SLC2A13: variants seen among roughly 807,000 people sequenced by gnomAD.
The protein encoded by SLC2A13 is proton myo-inositol cotransporter.
A neutral mutation model predicts 64.4 loss-of-function variants in SLC2A13; 32 were observed. The ratio of observed to expected loss-of-function variants is 0.50; its 90% CI spans 0.37 to 0.67. The LOEUF is 0.67. Ranked by LOEUF, SLC2A13 falls within the 30% of genes least tolerant of loss-of-function variation. The pLI is 0.00. For missense variants in SLC2A13, 743 were observed against 829.2 expected, an observed-to-expected ratio of 0.90 and a Z score of 1.28; for synonymous variants, 338 against 327.1, an observed-to-expected ratio of 1.03 and a Z score of -0.36.
At chr12:39,774,146 A>G (rs1940686819) in intron 7 of SLC2A13, among the ~76,000 whole-genome samples, 1 of 152,208 alleles carries the variant, frequency 6.6e-6, no homozygotes, top group African/African-American at 2.4e-5. Flanking sequence ...TTACAATTTG[A>G]GGGTAGTGGT....
chr12:40,086,429 A>T (rs1938589803), intron 1 of SLC2A13, among the ~76,000 whole-genome samples: 1 of 152,216 alleles, frequency 6.6e-6, no homozygotes, highest in Non-Finnish European at 1.5e-5. Context: ...TTGTTTTTGT[A>T]ACCAGCTGTT....
chr12:39,895,157 C>T lies in SLC2A13; in HGVS notation c.1035-23196G>A, dbSNP rs143623057. Among the ~76,000 whole-genome samples the T allele has an allele frequency of 7.2e-5, 11 of 152,172 alleles. No homozygotes were observed. In the East Asian group the frequency reaches 2.1e-3, roughly 29 times the overall value. ...TACCTGGGACTACAGGTGCATATCA[C>T]TGTGCCCAGCCAGAACCCTGAGTAA... On this transcript the variant is annotated intron_variant, in intron 4 of 9. Transcript: ENST00000280871.
Position 40,034,909 on chromosome 12 carries a change from T to C in SLC2A13, c.717-6400A>G, listed in dbSNP as rs964541272. ...ACCCAGCAAATATCTCCTGAATGTA[T>C]GTTAAATGCCAAGCACTACAGCTAA... On this transcript the variant is annotated intron_variant, in intron 2 of 9. Transcript: ENST00000280871. Among the ~76,000 whole-genome samples the C allele has an allele frequency of 3.3e-4, 50 of 152,202 alleles. 1 individual carries two copies. Among genetic ancestry groups the C allele is most frequent in the South Asian group, 2.1e-4 (1 of 4,836 alleles).
Position 39,863,336 on chromosome 12 carries a change from T to C in SLC2A13, c.1319+1426A>G, listed in dbSNP as rs1943812912. On this transcript the variant is annotated intron_variant, in intron 6 of 9. Transcript: ENST00000280871. ...CAATGTCAGGAAAACTATTTCATTA[T>C]GTAAATCACTAAAAACTTACAGTCA... Among the ~76,000 whole-genome samples the C allele has an allele frequency of 1.3e-5, 2 of 152,174 alleles. 1 individual carries two copies. Among genetic ancestry groups the C allele is most frequent in the Admixed American group, 1.3e-4 (2 of 15,276 alleles).
chr12:40,078,647 A>C (rs1322363493), intron 1 of SLC2A13, among the ~76,000 whole-genome samples: 5 of 152,216 alleles, frequency 3.3e-5, no homozygotes, highest in Admixed American at 6.5e-5. Context: ...ATCTGGCCTC[A>C]TAATGAGTCA....
At chr12:39,798,203 A>T (rs1272971067) in intron 7 of SLC2A13, among the ~76,000 whole-genome samples, 1 of 152,148 alleles carries the variant, frequency 6.6e-6, no homozygotes, top group Non-Finnish European at 1.5e-5. Context: ...GCACACGAGG[A>T]AGCCACCTTG....
intron 6 of SLC2A13, among the ~76,000 whole-genome samples, chr12:39,860,979 T>G (rs1943743905): frequency 6.6e-6 from 1 of 152,226 alleles, no homozygotes; most frequent in African/African-American, 2.4e-5. Flanking sequence ...ATCAAAAACC[T>G]CTGAGGCTCT....
At chr12:40,055,095 C>T (rs1311569234) in intron 1 of SLC2A13, among the ~76,000 whole-genome samples, 1 of 152,074 alleles carries the variant, frequency 6.6e-6, no homozygotes, top group Non-Finnish European at 1.5e-5. Flanking sequence ...ACATTTTTTC[C>T]AAACAGTCAA....
intron 4 of SLC2A13, among the ~76,000 whole-genome samples, chr12:39,895,623 TACACAC>T (rs1944753703): frequency 1.4e-5 from 2 of 146,090 alleles, no homozygotes; most frequent in Non-Finnish European, 3.0e-5. Flanking sequence ...CATATATACG[TACACAC>T]ATATGTATAT....
chr12:39,785,235 T>TC (rs1941143083), intron 7 of SLC2A13, among the ~76,000 whole-genome samples: 1 of 151,738 alleles, frequency 6.6e-6, no homozygotes, highest in Non-Finnish European at 1.5e-5. Context: ...AGGCCTGGGG[T>TC]CCCCATGCTG....
rs749720081 is a variant in SLC2A13 at position 40,028,513 on chromosome 12, C to A, written c.717-4G>T. ...TGCTGCAAGTCCCAACATGTACCTG[C>A]AAAGAAAAAAAATCCACATTTACTG... On this transcript the variant is annotated splice_region_variant and splice_polypyrimidine_tract_variant and intron_variant, in intron 2 of 9. Transcript: ENST00000280871. The A allele has an allele frequency of 6.2e-7, 1 of 1,607,924 alleles. No homozygotes were observed. The highest frequency in any genetic ancestry group is 8.5e-7 in the Non-Finnish European group (1 of 1,178,312).
intron 3 of SLC2A13, among the ~76,000 whole-genome samples, chr12:39,953,844 C>A (rs1946273488): frequency 1.3e-5 from 2 of 152,134 alleles, no homozygotes; most frequent in Non-Finnish European, 2.9e-5. Flanking sequence ...AAGTAACTTG[C>A]ATAAGGTTGT....
intron 4 of SLC2A13, chr12:39,908,303 C>T (rs1024421760): frequency 6.6e-6 from 1 of 151,888 alleles, no homozygotes; most frequent in Non-Finnish European, 1.5e-5. Flanking sequence ...CAAACAACTA[C>T]AAAGAGTTAG....
intron 5 of SLC2A13, among the ~76,000 whole-genome samples, chr12:39,869,985 T>C (rs1306126088): frequency 1.3e-5 from 2 of 152,136 alleles, no homozygotes; most frequent in South Asian, 2.1e-4. Context: ...AATGAGAAAA[T>C]AGAACCTTGC....
Position 39,861,297 on chromosome 12 carries a change from A to G in SLC2A13, c.1319+3465T>C, listed in dbSNP as rs577038287. Among the ~76,000 whole-genome samples, 8 of 152,296 alleles carry G rather than the reference A, an allele frequency of 5.3e-5. No individual in the cohort carries two copies. In the South Asian group the frequency reaches 8.3e-4, roughly 16 times the overall value. ...TTATGTGCCAAGCACTGTTTAAGGC[A>G]TTTTCCATATGTTAATTTATCCTTA... On this transcript the variant is annotated intron_variant, in intron 6 of 9. Transcript: ENST00000280871.
intron 3 of SLC2A13, among the ~76,000 whole-genome samples, chr12:40,010,322 C>T (rs561071110): frequency 9.2e-5 from 14 of 152,264 alleles, no homozygotes; most frequent in East Asian, 7.7e-4. Context: ...AGGTAATAGA[C>T]GCCCTGTTGT....
chr12:40,087,602 T>A (rs183833568), intron 1 of SLC2A13, among the ~76,000 whole-genome samples: 422 of 152,216 alleles, frequency 2.8e-3, no homozygotes, highest in African/African-American at 9.8e-3. Flanking sequence ...TAAATAAATA[T>A]CTACTATGTG....
chr12:40,028,969 G>A lies in SLC2A13; in HGVS notation c.717-460C>T, dbSNP rs2404348. Among the ~76,000 whole-genome samples, 1,437 of 152,072 alleles carry A rather than the reference G, an allele frequency of 9.4e-3. 27 individuals are homozygous for A. Among genetic ancestry groups the A allele is most frequent in the African/African-American group, 0.033 (1,359 of 41,470 alleles). ...GTTTCTTTATAGTTATTTCTGACTT[G>A]TGAATCATTAGTTATAATTTTGTTG... On this transcript the variant is annotated intron_variant, in intron 2 of 9. Transcript: ENST00000280871.
intron 4 of SLC2A13, among the ~76,000 whole-genome samples, chr12:39,913,401 G>A (rs150044485): frequency 6.0e-5 from 9 of 151,076 alleles, no homozygotes; most frequent in East Asian, 1.9e-4. Context: ...AAAGTACGAT[G>A]AATAAAAACT....
Sources: allele counts gnomAD v4.1 joint callset (sites outside exome capture counted in the v4.1 genomes callset), GRCh38; gene constraint gnomAD v4.1.1; transcripts MANE v1.5; gene names NCBI Gene and HGNC (gene_info 2026-07-23, HGNC 2026-07-21).